Variants in DIPK1A observed in about 807,000 individuals in gnomAD.
The protein encoded by DIPK1A is divergent protein kinase domain 1A, also known as family with sequence similarity 69 member A.
DIPK1A carries 27 observed loss-of-function variants against 40.8 expected under a neutral mutation model. The ratio of observed to expected loss-of-function variants is 0.66; its 90% CI spans 0.49 to 0.91. The LOEUF (loss-of-function observed/expected upper bound fraction) is 0.91, where lower values mean the gene tolerates loss of function less well. Ranked by LOEUF, DIPK1A falls within the 40% of genes least tolerant of loss-of-function variation. The pLI is 0.00. For missense variants in DIPK1A, 412 were observed against 505.7 expected (o/e 0.81, Z 1.78); for synonymous variants, 166 against 171.3 (o/e 0.97, Z 0.24).
chr1:92,846,815 A>ATGTGTG (rs1383151561), intron 4 of DIPK1A, among the ~76,000 whole-genome samples: 2 of 4,586 alleles, frequency 4.4e-4, no homozygotes, highest in African/African-American at 1.6e-3. Flanking sequence ...ATATATATAT[A>ATGTGTG]TATATATATA....
downstream of DIPK1A, chr1:92,840,848 A>C (rs761643361): frequency 8.7e-6 from 6 of 690,396 alleles, no homozygotes; most frequent in South Asian, 8.2e-5. Context: ...ATCCTAGTAC[A>C]GTCTAAGTAC....
chr1:92,845,657 T>C (rs1687577103), intron 4 of DIPK1A, among the ~76,000 whole-genome samples: 1 of 146,738 alleles, frequency 6.8e-6, no homozygotes, highest in African/African-American at 2.5e-5. Context: ...CTGGCCAAAA[T>C]AGTGAAATCC....
Position 92,843,804 on chromosome 1 carries a change from T to C in DIPK1A, c.866A>G (p.Asn289Ser), listed in dbSNP as rs1402846091. ...GGCACTAGTATCGCACATGAGGAAATTTCCGTAGGGGCCATGGAAAACATC... is the reference window on the plus strand; with the variant it reads ...GGCACTAGTATCGCACATGAGGAAACTTCCGTAGGGGCCATGGAAAACATC... ...VEDVFHGPYG[N>S]FLMCDTSAKN... The change falls in exon 5 of 5, where the codon AAT becomes AGT. Residue 289 changes from asparagine (N) to serine (S), a missense_variant. Transcript: ENST00000370310. 3 of 1,551,832 alleles carry C rather than the reference T, an allele frequency of 1.9e-6. No homozygotes were observed. Among genetic ancestry groups the C allele is most frequent in the Admixed American group, 3.9e-5 (2 of 50,980 alleles).
intron 1 of DIPK1A, among the ~76,000 whole-genome samples, chr1:92,913,554 T>A (rs1327689701): frequency 1.3e-5 from 2 of 152,216 alleles, no homozygotes; most frequent in African/African-American, 4.8e-5. Context: ...CTTTGCATGT[T>A]CCATGACACA....
At chr1:92,841,661 G>A, downstream of DIPK1A, 4 of 686,364 alleles carry the variant, frequency 5.8e-6, no homozygotes, top group Non-Finnish European at 9.1e-6. Flanking sequence ...TGATTGCAAA[G>A]TCTTAAATAT....
At chr1:92,936,552 C>T (rs1650953279) in intron 1 of DIPK1A, among the ~76,000 whole-genome samples, 4 of 151,542 alleles carry the variant, frequency 2.6e-5, no homozygotes. Flanking sequence ...TTGCTTGAAC[C>T]CGGGACGCTG....
intron 1 of DIPK1A, among the ~76,000 whole-genome samples, chr1:92,892,327 C>T (rs1648930868): frequency 6.6e-6 from 1 of 152,110 alleles, no homozygotes; most frequent in Non-Finnish European, 1.5e-5. Flanking sequence ...GAGGAACGAT[C>T]AGGCAGCAAC....
intron 3 of DIPK1A, among the ~76,000 whole-genome samples, chr1:92,849,342 T>TG (rs1479719013): frequency 6.6e-6 from 1 of 151,692 alleles, no homozygotes; most frequent in Non-Finnish European, 1.5e-5. Flanking sequence ...TGTCTGGTTT[T>TG]TTTTTGTTTT....
At chr1:92,842,035 A>C (rs1687386520), downstream of DIPK1A, 2 of 788,482 alleles carry the variant, frequency 2.5e-6, no homozygotes, top group Admixed American at 6.9e-5. Flanking sequence ...AGTGTAACTA[A>C]CTTTTTAAGA....
chr1:92,869,105 TA>T (rs1229175520), intron 2 of DIPK1A, among the ~76,000 whole-genome samples: 2 of 151,872 alleles, frequency 1.3e-5, no homozygotes, highest in East Asian at 3.8e-4. Context: ...TTATACTTTT[TA>T]TATGATTGCT....
chr1:92,914,693 T>C (rs544201366), intron 1 of DIPK1A, among the ~76,000 whole-genome samples: 47 of 150,568 alleles, frequency 3.1e-4, no homozygotes, highest in Non-Finnish European at 5.8e-4. Flanking sequence ...TGCTTGAACC[T>C]AGGAGGCGGA....
downstream of DIPK1A, chr1:92,841,950 T>A: frequency 8.7e-7 from 1 of 1,148,092 alleles, no homozygotes; most frequent in Admixed American, 2.1e-5. Context: ...CTTATTCTTA[T>A]GAACCTTATA....
rs560993734 is a variant in DIPK1A at position 92,898,585 on chromosome 1, T to C, written c.55-22155A>G. On this transcript the variant is annotated intron_variant, in intron 1 of 4. Transcript: ENST00000370310. Reference sequence around the variant, plus strand: ...GAACTACTGGGCTCAAGGGATTCTCTGATCTCAGCCTCCTGAGTAGCTGGG... The same window carrying C: ...GAACTACTGGGCTCAAGGGATTCTCCGATCTCAGCCTCCTGAGTAGCTGGG... Among the ~76,000 whole-genome samples, 34 of 152,192 alleles carry C rather than the reference T, an allele frequency of 2.2e-4. 1 individual carries two copies. The highest frequency in any genetic ancestry group is 2.2e-3 in the Admixed American group (34 of 15,278).
intron 1 of DIPK1A, among the ~76,000 whole-genome samples, chr1:92,906,208 TG>T (rs1410740276): frequency 6.6e-6 from 1 of 152,184 alleles, no homozygotes; most frequent in African/African-American, 2.4e-5. Context: ...CTGTTTTAAA[TG>T]TAAGTTTCTC....
At chr1:92,841,379 C>T (rs1311572457), downstream of DIPK1A, among the ~76,000 whole-genome samples, 1 of 152,096 alleles carries the variant, frequency 6.6e-6, no homozygotes, top group African/African-American at 2.4e-5. Context: ...GGTAATAATC[C>T]ATTATGTATA....
intron 4 of DIPK1A, 38 bp downstream of exon 4, chr1:92,847,145 C>T (rs755853688): frequency 1.1e-4 from 153 of 1,361,054 alleles, no homozygotes; most frequent in Non-Finnish European, 1.4e-4. Context: ...CTAAAGAGTC[C>T]CACTTCACAC....
At chr1:92,917,125 C>T (rs1472969311) in intron 1 of DIPK1A, among the ~76,000 whole-genome samples, 4 of 152,128 alleles carry the variant, frequency 2.6e-5, no homozygotes, top group African/African-American at 9.7e-5. Flanking sequence ...TTCAGTGTTG[C>T]AATAATATTC....
chr1:92,868,782 G>A (rs1440854879), intron 2 of DIPK1A, among the ~76,000 whole-genome samples: 1 of 151,814 alleles, frequency 6.6e-6, no homozygotes, highest in Admixed American at 6.6e-5. Context: ...CCTGGCCAAC[G>A]TGGTGAAACC....
At chr1:92,960,921 C>T (rs1440993313) in intron 1 of DIPK1A, among the ~76,000 whole-genome samples, 1 of 152,228 alleles carries the variant, frequency 6.6e-6, no homozygotes, top group Non-Finnish European at 1.5e-5. Flanking sequence ...TTCCTACCAC[C>T]GACTTAAGAC....
Sources: gnomAD v4.1 joint callset for allele counts (sites outside exome capture counted in the v4.1 genomes callset) on GRCh38, gnomAD v4.1.1 for gene constraint, MANE v1.5 for transcripts, NCBI Gene and HGNC (gene_info 2026-07-23, HGNC 2026-07-21) for gene names.